Variants in IQSEC1 observed in about 807,000 individuals in gnomAD.
IQSEC1 encodes IQ motif and Sec7 domain ArfGEF 1.
IQSEC1 carries 31 observed loss-of-function variants against 91.0 expected under a neutral mutation model. The observed-to-expected ratio is 0.34, with a 90% CI of 0.26 to 0.46. IQSEC1 has a LOEUF of 0.46. Ranked by LOEUF, IQSEC1 falls within the 20% of genes least tolerant of loss-of-function variation. The probability of loss-of-function intolerance (pLI) is 1.00; values close to 1 mark genes in which losing one functional copy is unlikely to be tolerated. For missense variants in IQSEC1, 1,388 were observed against 1,575.6 expected (o/e 0.88, Z 2.02); for synonymous variants, 699 against 662.6 (o/e 1.05, Z -0.84).
At chr3:13,010,452 G>A (rs1397881580) in intron 1 of IQSEC1, among the ~76,000 whole-genome samples, 13 of 152,196 alleles carry the variant, frequency 8.5e-5, no homozygotes, top group Admixed American at 8.5e-4. Context: ...AGTCGATTCT[G>A]TCAGAACAGT....
At position 13,021,956 on chromosome 3, in the gene IQSEC1, G is replaced by GCCTGTACAGCCTGTAC. The variant is rs1703418590; in HGVS notation, c.23+51035_23+51036insGTACAGGCTGTACAGG. The GCCTGTACAGCCTGTAC allele has an allele frequency of 8.0e-6, 8 of 1,003,006 alleles. No individual in the cohort carries two copies. The Middle Eastern group carries it at 1.1e-3, about 133-fold the overall frequency. The allele number at this position is 1,003,006 out of a possible 1,614,324, so 62.1% of individuals were successfully genotyped here. On this transcript the variant is annotated intron_variant, in intron 1 of 13. Transcript: ENST00000613206. ...CTCCCTCCATCCCAGCTCCTTCCTG[G>GCCTGTACAGCCTGTAC]ACCCTGTACAGCCATGCAAACCATC...
At chr3:13,261,670 C>T (rs1286438287) in intron 1 of IQSEC1, among the ~76,000 whole-genome samples, 2 of 152,082 alleles carry the variant, frequency 1.3e-5, no homozygotes, top group African/African-American at 4.8e-5. Flanking sequence ...CAGGGCAGAG[C>T]CAGGGATGCA....
Position 12,941,760 on chromosome 3 carries a change from G to A in IQSEC1, c.129C>T (p.His43=), listed in dbSNP as rs765197194. The stretch of plus-strand genomic sequence containing the variant: ...AGGCTCCCACTGACGTGTGCTCGTA[G>A]TGATCCGGGCTCAGGCTGGAACCGG... ...LVPGSSLSPD[H]YEHTSVGAYG... The change falls in exon 2 of 14, where the codon CAC becomes CAT. Residue 43 remains histidine (H), a synonymous_variant. Coordinates refer to ENST00000613206, the MANE Select transcript of IQSEC1 (RefSeq NM_001134382.3). 5 of 1,612,298 alleles carry A rather than the reference G, an allele frequency of 3.1e-6. No homozygotes were observed. Among genetic ancestry groups the A allele is most frequent in the Non-Finnish European group, 4.2e-6 (5 of 1,179,954 alleles).
chr3:12,927,500 C>T (rs1697264256), intron 3 of IQSEC1, among the ~76,000 whole-genome samples: 1 of 152,246 alleles, frequency 6.6e-6, no homozygotes, highest in Admixed American at 6.5e-5. Context: ...GCCACCGCTG[C>T]AGTGACCAGG....
chr3:13,025,497 G>T (rs1275504369), intron 1 of IQSEC1, among the ~76,000 whole-genome samples: 2 of 152,180 alleles, frequency 1.3e-5, no homozygotes, highest in Non-Finnish European at 2.9e-5. Flanking sequence ...CCTGCTTGGG[G>T]AAATGAGGAC....
At chr3:13,200,036 CACACACT>C (rs1559276011) in intron 1 of IQSEC1, among the ~76,000 whole-genome samples, 2 of 146,926 alleles carry the variant, frequency 1.4e-5, no homozygotes, top group African/African-American at 5.1e-5. Context: ...TCACACACAC[CACACACT>C]ACACACGCAC....
At chr3:13,269,002 G>A (rs1223444231) in intron 1 of IQSEC1, among the ~76,000 whole-genome samples, 1 of 152,216 alleles carries the variant, frequency 6.6e-6, no homozygotes, top group Admixed American at 6.5e-5. Context: ...TCTGAGATCA[G>A]AGTCAGTCCT....
intron 2 of IQSEC1, among the ~76,000 whole-genome samples, chr3:13,091,492 T>C (rs17037593): frequency 0.34 from 51,463 of 152,194 alleles, 8,977 homozygotes; most frequent in Middle Eastern, 0.57. Context: ...CTGAAACCCA[T>C]GCATCTTTTC....
At chr3:13,179,985 G>A (rs1435225157) in intron 1 of IQSEC1, among the ~76,000 whole-genome samples, 1 of 151,276 alleles carries the variant, frequency 6.6e-6, no homozygotes, top group Non-Finnish European at 1.5e-5. Context: ...CACCATGCCT[G>A]AGCCTCCCCC....
intron 1 of IQSEC1, among the ~76,000 whole-genome samples, chr3:13,208,711 C>T (rs1246322119): frequency 1.3e-5 from 2 of 152,206 alleles, no homozygotes; most frequent in African/African-American, 4.8e-5. Flanking sequence ...GCTCTGCCCA[C>T]AGTCAGCCAG....
intron 1 of IQSEC1, among the ~76,000 whole-genome samples, chr3:12,973,464 G>A (rs772196313): frequency 6.6e-6 from 1 of 152,134 alleles, no homozygotes; most frequent in Non-Finnish European, 1.5e-5. Flanking sequence ...CACCTCGACG[G>A]TAGGGAACAT....
intron 2 of IQSEC1, among the ~76,000 whole-genome samples, chr3:13,110,405 A>G (rs1026491754): frequency 2.0e-5 from 3 of 151,998 alleles, no homozygotes; most frequent in Admixed American, 2.0e-4. Flanking sequence ...CTTAGCCAAC[A>G]TGGTGAAATC....
chr3:12,924,286 C>T lies in IQSEC1; in HGVS notation c.1730+295G>A, dbSNP rs991198553. ...ATGCTTGGTGCTGGGTTGGATCAACCGTGCTTAGGGATGGAGGGAAGGGAG... is the reference window on the plus strand; with the variant it reads ...ATGCTTGGTGCTGGGTTGGATCAACTGTGCTTAGGGATGGAGGGAAGGGAG... On this transcript the variant is annotated intron_variant, in intron 4 of 13. Transcript: ENST00000613206. The surrounding 1 kb of genome is among the most constrained non-coding windows in gnomAD (Gnocchi z 6.3). Among the ~76,000 whole-genome samples the T allele has an allele frequency of 2.0e-5, 3 of 152,096 alleles. No homozygotes were observed. The highest frequency in any genetic ancestry group is 4.4e-5 in the Non-Finnish European group (3 of 68,006).
At chr3:13,105,702 G>C (rs1382355687) in intron 2 of IQSEC1, among the ~76,000 whole-genome samples, 2 of 152,132 alleles carry the variant, frequency 1.3e-5, no homozygotes, top group East Asian at 3.9e-4. Context: ...GCCCATGACT[G>C]ACCAGTGAAA....
At chr3:13,155,513 C>A (rs1707072236) in intron 2 of IQSEC1, among the ~76,000 whole-genome samples, 9 of 152,176 alleles carry the variant, frequency 5.9e-5, no homozygotes, top group Admixed American at 5.9e-4. Flanking sequence ...AGCCCTGGAC[C>A]TGATGGCTTC....
rs1213926489 is a variant in IQSEC1 at position 13,228,650 on chromosome 3, G to A, written c.272+54061C>T. Among the ~76,000 whole-genome samples the A allele has an allele frequency of 2.6e-5, 4 of 152,210 alleles. No individual in the cohort carries two copies. In the East Asian group the frequency reaches 7.7e-4, roughly 29 times the overall value. On this transcript the variant is annotated intron_variant, in intron 1 of 15. Coordinates refer to the IQSEC1 transcript ENST00000648114. ...AAAACCTTTGCAGGGCCTGCAAGGA[G>A]TGGCAGGATCTGGCCCTGCTCACTT... is the stretch of plus-strand genomic sequence containing the variant.
intron 2 of IQSEC1, among the ~76,000 whole-genome samples, chr3:13,146,503 A>G (rs1706900686): frequency 6.6e-6 from 1 of 152,302 alleles, no homozygotes; most frequent in African/African-American, 2.4e-5. Context: ...CTCAGCCACC[A>G]AGGACAGCTG....
intron 1 of IQSEC1, among the ~76,000 whole-genome samples, chr3:13,219,505 C>T (rs1000820199): frequency 1.3e-5 from 2 of 152,210 alleles, no homozygotes; most frequent in African/African-American, 4.8e-5. Context: ...CGGGAAGGCA[C>T]ATGAAGCAGA....
intron 1 of IQSEC1, chr3:12,986,925 C>G (rs1377294721): frequency 3.0e-6 from 1 of 338,550 alleles, no homozygotes; most frequent in African/African-American, 2.2e-5. Flanking sequence ...TATTTTCCAG[C>G]TAGAGATACT....
Sources: allele counts gnomAD v4.1 joint callset (sites outside exome capture counted in the v4.1 genomes callset), GRCh38; gene constraint gnomAD v4.1.1; non-coding constraint Gnocchi (gnomAD v3.1); transcripts MANE v1.5; gene names NCBI Gene and HGNC (gene_info 2026-07-23, HGNC 2026-07-21).